Variants in NR3C1 observed in about 807,000 individuals in gnomAD.
NR3C1 encodes the protein glucocorticoid receptor.
A neutral mutation model predicts 74.0 loss-of-function variants in NR3C1; 14 were observed. That is an observed-to-expected ratio of 0.19 (90% CI 0.12 to 0.30). The LOEUF (loss-of-function observed/expected upper bound fraction) is 0.30, where lower values mean the gene tolerates loss of function less well. NR3C1 is among the 10% of genes least tolerant of loss of function. NR3C1 has a pLI of 1.00. For synonymous variants in NR3C1, 308 were observed against 332.5 expected, an observed-to-expected ratio of 0.93 and a Z score of 0.80; for missense variants, 695 against 909.8, an observed-to-expected ratio of 0.76 and a Z score of 3.04.
Position 143,298,738 on chromosome 5 carries a change from G to A in NR3C1, c.1822C>T (p.Leu608=). The A allele has an allele frequency of 1.2e-6, 2 of 1,613,910 alleles. No homozygotes were observed. Among genetic ancestry groups the A allele is most frequent in the South Asian group, 1.1e-5 (1 of 91,068 alleles). ...YSWMFLMAFA[L]GWRSYRQSSA... is the part of the protein sequence containing the mutation. ...GATTGTCTATATGATCTCCACCCCA[G>A]AGCAAATGCCATAAGAAACATCCAG... The change falls in exon 6 of 9, where the codon CTG becomes TTG. Residue 608 remains leucine (L), a synonymous_variant. Transcript: ENST00000394464.
intron 2 of NR3C1, among the ~76,000 whole-genome samples, chr5:143,395,203 T>C (rs73797555): frequency 2.4e-4 from 36 of 152,072 alleles, no homozygotes; most frequent in African/African-American, 8.2e-4. Flanking sequence ...ACCTTTTCTT[T>C]TTTAAAATTG....
intron 4 of NR3C1, among the ~76,000 whole-genome samples, chr5:143,303,916 T>C (rs574459621): frequency 6.6e-6 from 1 of 152,196 alleles, no homozygotes; most frequent in East Asian, 1.9e-4. Flanking sequence ...TGAAGGAACA[T>C]ACCTCAAAGT....
intron 1 of NR3C1, among the ~76,000 whole-genome samples, chr5:143,415,145 T>C (rs1213481425): frequency 6.6e-6 from 1 of 152,282 alleles, no homozygotes; most frequent in Admixed American, 6.5e-5. Context: ...AAGGTAGAAA[T>C]GTATAAAGGT....
At chr5:143,329,195 A>G (rs1006749581) in intron 2 of NR3C1, among the ~76,000 whole-genome samples, 11 of 152,310 alleles carry the variant, frequency 7.2e-5, no homozygotes, top group Non-Finnish European at 1.2e-4. Flanking sequence ...GGAAGCAAGG[A>G]AAGTCTTACA....
chr5:143,403,069 G>A (rs1233995059), intron 1 of NR3C1, 142 bp downstream of exon 1: 15 of 865,674 alleles, frequency 1.7e-5, no homozygotes, highest in Admixed American at 6.9e-5. Context: ...ACCGTCGCCC[G>A]GCCCTTGCCA....
chr5:143,415,406 A>G (rs1841443822), intron 1 of NR3C1, among the ~76,000 whole-genome samples: 1 of 152,166 alleles, frequency 6.6e-6, no homozygotes, highest in Non-Finnish European at 1.5e-5. Flanking sequence ...TTACAGCTAG[A>G]TAAGAGGAAT....
intron 1 of NR3C1, among the ~76,000 whole-genome samples, chr5:143,424,889 C>T (rs1009091270): frequency 1.3e-5 from 2 of 152,124 alleles, no homozygotes; most frequent in African/African-American, 2.4e-5. Flanking sequence ...AGAGTGGCAG[C>T]TTCATTTTTA....
At chr5:143,373,104 A>G (rs1231516338) in intron 2 of NR3C1, among the ~76,000 whole-genome samples, 1 of 152,236 alleles carries the variant, frequency 6.6e-6, no homozygotes, top group East Asian at 1.9e-4. Flanking sequence ...GACTAGCACT[A>G]GTAAAAGTTG....
At position 143,380,925 on chromosome 5, in the gene NR3C1, G is replaced by A. The variant is rs576619776; in HGVS notation, c.1184+18731C>T. On this transcript the variant is annotated intron_variant, in intron 2 of 8. Transcript: ENST00000394464. The stretch of plus-strand genomic sequence containing the variant: ...AAGAGTGCCCACTGTTATTCAACTG[G>A]AAGTACTGGAAGACCTACCTAGAGT... 6.6e-5 allele frequency among the ~76,000 whole-genome samples: 10 copies of A among 152,238 alleles called. No individual in the cohort carries two copies. The South Asian group carries it at 1.7e-3, about 25-fold the overall frequency.
chr5:143,391,744 T>G (rs1440720679), intron 2 of NR3C1, among the ~76,000 whole-genome samples: 3 of 152,174 alleles, frequency 2.0e-5, no homozygotes, highest in Non-Finnish European at 4.4e-5. Context: ...TTGAAGGCTT[T>G]AAAATACAGC....
intron 1 of NR3C1, among the ~76,000 whole-genome samples, chr5:143,416,817 C>T (rs188482159): frequency 5.3e-5 from 8 of 152,140 alleles, no homozygotes; most frequent in Non-Finnish European, 1.2e-4. Context: ...AAGTTTGGCT[C>T]GAGTTTCCTT....
At chr5:143,346,829 T>C (rs1331833845) in intron 2 of NR3C1, among the ~76,000 whole-genome samples, 1 of 152,238 alleles carries the variant, frequency 6.6e-6, no homozygotes, top group Admixed American at 6.5e-5. Context: ...ATTTTCTTTA[T>C]GAGCAGAAAA....
intron 1 of NR3C1, chr5:143,401,222 T>G: frequency 4.1e-6 from 1 of 245,808 alleles, no homozygotes; most frequent in Non-Finnish European, 8.0e-6. Context: ...AGTATTTAAT[T>G]TCAAAAAAAG....
At chr5:143,295,024 T>G (rs1816865880) in intron 7 of NR3C1, 3 of 985,292 alleles carry the variant, frequency 3.0e-6, no homozygotes, top group African/African-American at 3.5e-5. Context: ...CAATAGTAAT[T>G]AAGCACACCT....
intron 2 of NR3C1, among the ~76,000 whole-genome samples, chr5:143,344,306 A>G (rs1828804662): frequency 6.6e-6 from 1 of 152,228 alleles, no homozygotes; most frequent in Non-Finnish European, 1.5e-5. Flanking sequence ...ATGTCCTGAT[A>G]GTACACAGGT....
At chr5:143,362,716 C>T (rs534440750) in intron 2 of NR3C1, among the ~76,000 whole-genome samples, 12 of 152,220 alleles carry the variant, frequency 7.9e-5, no homozygotes, top group Admixed American at 1.3e-4. Flanking sequence ...TGGAAGACCA[C>T]CTCAAAAGGA....
intron 2 of NR3C1, among the ~76,000 whole-genome samples, chr5:143,378,941 T>TA (rs1243148828): frequency 8.6e-5 from 13 of 150,758 alleles, no homozygotes; most frequent in East Asian, 3.9e-4. Context: ...TACAATTCTT[T>TA]AAAAAAAAAA....
chr5:143,339,736 G>A (rs998381827), intron 2 of NR3C1, among the ~76,000 whole-genome samples: 10 of 151,982 alleles, frequency 6.6e-5, no homozygotes, highest in South Asian at 4.1e-4. Context: ...GTGGGGCTCC[G>A]GACTAAAGGA....
At chr5:143,325,692 T>C (rs1189686017) in intron 2 of NR3C1, among the ~76,000 whole-genome samples, 1 of 152,182 alleles carries the variant, frequency 6.6e-6, no homozygotes, top group East Asian at 1.9e-4. Flanking sequence ...TATGTATGTA[T>C]AGGAAAAACA....
Sources: gnomAD v4.1 joint callset for allele counts (sites outside exome capture counted in the v4.1 genomes callset) on GRCh38, gnomAD v4.1.1 for gene constraint, MANE v1.5 for transcripts, NCBI Gene and HGNC (gene_info 2026-07-23, HGNC 2026-07-21) for gene names.